Variants in IFT122 observed in about 807,000 individuals in gnomAD.
IFT122 encodes intraflagellar transport 122.
IFT122 carries 118 observed loss-of-function variants against 161.6 expected under a neutral mutation model. The ratio of observed to expected loss-of-function variants is 0.73; its 90% CI spans 0.63 to 0.85. The LOEUF (loss-of-function observed/expected upper bound fraction) is 0.85, where lower values mean the gene tolerates loss of function less well. Among genes scored for constraint, IFT122 ranks in the 40% least tolerant of loss-of-function variants. The probability of loss-of-function intolerance (pLI) is 0.00; values close to 1 mark genes in which losing one functional copy is unlikely to be tolerated. For missense variants in IFT122, 1,381 were observed against 1,579.6 expected (o/e 0.87, Z 2.13); for synonymous variants, 550 against 602.4 (o/e 0.91, Z 1.27).
chr3:129,488,458 A>T, intron 16 of IFT122, 61 bp downstream of exon 16: 1 of 1,609,668 alleles, frequency 6.2e-7, no homozygotes, highest in South Asian at 1.1e-5. Context: ...AAGAAGGCAG[A>T]TGGGGACCCA....
intron 15 of IFT122, among the ~76,000 whole-genome samples, chr3:129,485,544 G>A (rs1490445367): frequency 2.0e-5 from 3 of 152,336 alleles, no homozygotes; most frequent in East Asian, 3.9e-4. Context: ...CCTGGACTGT[G>A]TCCTCGTCAT....
intron 15 of IFT122, among the ~76,000 whole-genome samples, chr3:129,485,983 T>C (rs2079229253): frequency 6.6e-6 from 1 of 152,240 alleles, no homozygotes; most frequent in Non-Finnish European, 1.5e-5. Flanking sequence ...TACATTGTCT[T>C]GTGCAAGAAC....
At chr3:129,501,719 CTT>C (rs1244806357) in intron 19 of IFT122, among the ~76,000 whole-genome samples, 1 of 152,212 alleles carries the variant, frequency 6.6e-6, no homozygotes, top group Non-Finnish European at 1.5e-5. Context: ...TAAAAGGTGT[CTT>C]TCCTCCAGGG....
At chr3:129,501,310 C>T (rs1431315355) in intron 19 of IFT122, among the ~76,000 whole-genome samples, 2 of 152,096 alleles carry the variant, frequency 1.3e-5, no homozygotes, top group African/African-American at 2.4e-5. Flanking sequence ...CTGGAAACAA[C>T]GTTGTGGTCT....
chr3:129,512,435 TCCGTCCCACCA>T, intron 24 of IFT122, 23 bp downstream of exon 24: 1 of 1,488,630 alleles, frequency 6.7e-7, no homozygotes, highest in South Asian at 1.1e-5. Flanking sequence ...TTATCCCTCC[TCCGTCCCACCA>T]CCGTTCTTGT....
At chr3:129,500,983 C>T (rs1310832650) in intron 19 of IFT122, among the ~76,000 whole-genome samples, 1 of 152,126 alleles carries the variant, frequency 6.6e-6, no homozygotes, top group African/African-American at 2.4e-5. Flanking sequence ...AACCAAGTGG[C>T]CCATCCCAGG....
At chr3:129,459,768 C>CCTTCCTTT (rs1404046687) in intron 4 of IFT122, among the ~76,000 whole-genome samples, 1 of 135,646 alleles carries the variant, frequency 7.4e-6, no homozygotes, top group Admixed American at 7.6e-5. Flanking sequence ...TTCCTTCCTT[C>CCTTCCTTT]CTTCCTTTCT....
In IFT122 at chr3:129,469,780, G is replaced by A. The variant is rs781681195; in HGVS notation, c.816+363G>A. On this transcript the variant is annotated intron_variant, in intron 9 of 29. Transcript: ENST00000348417. ...ATTTTGACCTTACTTTCCTCTATTC[G>A]CTTTCTTTCATTCAACCAGTATTTA... Among the ~76,000 whole-genome samples, 4 of 152,044 alleles carry A rather than the reference G, an allele frequency of 2.6e-5. No homozygotes were observed. The South Asian group carries it at 6.2e-4, about 24-fold the overall frequency.
rs185689437 is a variant in IFT122, at chr3:129,499,154, C to T, written c.2209-748C>T. 9.5e-4 allele frequency among the ~76,000 whole-genome samples: 144 copies of T among 152,324 alleles called. 5 individuals are homozygous for T. The East Asian group carries it at 0.027, about 28-fold the overall frequency. On this transcript the variant is annotated intron_variant, in intron 18 of 29. Coordinates refer to ENST00000348417, the MANE Select transcript of IFT122 (RefSeq NM_052989.3). The stretch of plus-strand genomic sequence containing the variant: ...CCATGGCCTCCTGCTGTCCCACTGT[C>T]GGATCAGGTTCTCACCCCTGCAGAC...
At chr3:129,463,439 C>T (rs946760077) in intron 5 of IFT122, 121 bp from the exon 6 acceptor site, 5 of 782,490 alleles carry the variant, frequency 6.4e-6, no homozygotes, top group Non-Finnish European at 1.1e-5. Flanking sequence ...TATGTTTTTT[C>T]ATTCAGCATA....
chr3:129,479,510 T>C (rs2078378816), intron 12 of IFT122, among the ~76,000 whole-genome samples: 1 of 152,082 alleles, frequency 6.6e-6, no homozygotes, highest in Non-Finnish European at 1.5e-5. Flanking sequence ...ACAGGATAGA[T>C]GTGGCAAGTA....
Position 129,519,689 on chromosome 3 carries a change from T to G in IFT122, c.3593T>G (p.Leu1198Arg). 1 of 1,613,850 alleles carries G rather than the reference T, an allele frequency of 6.2e-7. No homozygotes were observed. Among genetic ancestry groups the G allele is most frequent in the Non-Finnish European group, 8.5e-7 (1 of 1,180,022 alleles). ...CTGAGGTGGCAATACTTCCGCTCAC[T>G]GCTGCCTGACGCCTCCATTACCATG... ...PPLRWQYFRS[L>R]LPDASITMCP... The change falls in exon 29 of 30, where the codon CTG becomes CGG. Residue 1198 changes from leucine (L) to arginine (R), a missense_variant. Coordinates refer to ENST00000348417, the MANE Select transcript of IFT122 (RefSeq NM_052989.3).
At chr3:129,513,335 C>T (rs1475957069) in intron 24 of IFT122, 1 of 152,408 alleles carries the variant, frequency 6.6e-6, no homozygotes, top group Non-Finnish European at 1.5e-5. Context: ...CGCAGCCCCA[C>T]CTTCCCTCTG....
At chr3:129,450,248 C>G (rs949829837) in intron 2 of IFT122, among the ~76,000 whole-genome samples, 11 of 152,092 alleles carry the variant, frequency 7.2e-5, no homozygotes, top group African/African-American at 2.7e-4. Flanking sequence ...TACATTTTGT[C>G]CCCCAGAAAA....
chr3:129,500,635 C>G (rs1048187465), intron 19 of IFT122, among the ~76,000 whole-genome samples: 11 of 152,162 alleles, frequency 7.2e-5, no homozygotes, highest in Non-Finnish European at 1.3e-4. Flanking sequence ...ATGAAGGGAC[C>G]TTAAAGAATT....
chr3:129,487,791 G>A (rs529409750), intron 15 of IFT122: 2 of 287,044 alleles, frequency 7.0e-6, no homozygotes, highest in African/African-American at 4.3e-5. Flanking sequence ...GAACAGGCCT[G>A]TAACTGCGGC....
rs759016671 is a variant in IFT122, at chr3:129,458,685, ACTT to A, written c.272+9_272+11del. ...AGGCATTCTGAAGTACACGTAAGTAACTTAGGTGTACAGTATTATGAGTTTGAT... is the reference window on the plus strand; with the variant it reads ...AGGCATTCTGAAGTACACGTAAGTAAAGGTGTACAGTATTATGAGTTTGAT... On this transcript the variant is annotated intron_variant, in intron 4 of 29. Coordinates refer to ENST00000348417, the MANE Select transcript of IFT122 (RefSeq NM_052989.3). 6 of 1,586,708 alleles carry A rather than the reference ACTT, an allele frequency of 3.8e-6. No individual in the cohort carries two copies. In the South Asian group the frequency reaches 6.6e-5, roughly 18 times the overall value.
At position 129,464,733 on chromosome 3, in the gene IFT122, C is replaced by T. The variant is rs890003432; in HGVS notation, c.515C>T (p.Pro172Leu). The change falls in exon 7 of 30, where the codon CCG becomes CTG. Residue 172 changes from proline to leucine, a missense_variant. Physicochemically the swap from Pro to Leu is moderately conservative, Grantham distance 98 (BLOSUM62 -3). Transcript: ENST00000348417. ...NGEEKVKIER[P>L]GGSLSPIWSI... is the part of the protein sequence containing the mutation. ...GAGGAGAAAGTAAAGATCGAGCGGCCGGGGGGCTCCCTCTCGCCAATATGG... is the reference window on the plus strand; with the variant it reads ...GAGGAGAAAGTAAAGATCGAGCGGCTGGGGGGCTCCCTCTCGCCAATATGG... The T allele has an allele frequency of 1.4e-5, 22 of 1,613,868 alleles. No homozygotes were observed. The highest frequency in any genetic ancestry group is 9.4e-5 in the African/African-American group (7 of 74,814).
intron 16 of IFT122, among the ~76,000 whole-genome samples, chr3:129,490,209 G>A (rs1387302407): frequency 6.6e-6 from 1 of 152,136 alleles, no homozygotes; most frequent in Non-Finnish European, 1.5e-5. Context: ...TATATCTATT[G>A]TGTACAACAT....
Sources: allele counts gnomAD v4.1 joint callset (sites outside exome capture counted in the v4.1 genomes callset), GRCh38; gene constraint gnomAD v4.1.1; transcripts MANE v1.5; gene names NCBI Gene and HGNC (gene_info 2026-07-23, HGNC 2026-07-21).